The following ROBO3 variants were observed in gnomAD, a reference collection of about 807,000 sequenced individuals.
ROBO3 encodes roundabout guidance receptor 3.
In ROBO3, 97 loss-of-function variants were observed where a neutral mutation model predicts 160.5. The ratio of observed to expected loss-of-function variants is 0.60; its 90% CI spans 0.51 to 0.72. The LOEUF (loss-of-function observed/expected upper bound fraction) is 0.72. ROBO3 is among the 30% of genes least tolerant of loss of function. ROBO3 has a pLI of 0.00. For synonymous variants in ROBO3, 780 were observed against 746.2 expected (o/e 1.05, Z -0.74); for missense variants, 1,858 against 1,846.5 (o/e 1.01, Z -0.11).
rs1430540831 is a variant in ROBO3 at position 124,879,828 on chromosome 11, A to T, written c.3838A>T (p.Ser1280Cys). Residue 1280 changes from serine (S) to cysteine (C), a missense_variant, in exon 26 of 28, where the codon AGC becomes TGC. Ser to Cys is a moderately radical substitution (Grantham distance 112). Coordinates refer to ENST00000397801, the MANE Select transcript of ROBO3 (RefSeq NM_022370.4). ...PPLPPPEEEA[S>C]WALELRAAGS... Reference sequence around the variant, plus strand: ...CTTGCCACCGCCAGAGGAAGAGGCGAGCTGGGCCCTAGAGCTGAGGGCAGC... The same window carrying T: ...CTTGCCACCGCCAGAGGAAGAGGCGTGCTGGGCCCTAGAGCTGAGGGCAGC... The T allele has an allele frequency of 6.2e-7, 1 of 1,613,878 alleles. No individual in the cohort carries two copies. The highest frequency in any genetic ancestry group is 8.5e-7 in the Non-Finnish European group (1 of 1,179,846).
chr11:124,873,754 C>T lies in ROBO3; in HGVS notation c.1676C>T (p.Pro559Leu). Residue 559 changes from proline to leucine, a missense_variant, in exon 11 of 28, where the codon CCC (proline) becomes CTC (leucine). Physicochemically the swap from Pro to Leu is moderately conservative, Grantham distance 98. Transcript: ENST00000397801. The surrounding 1 kb of genome is among the most constrained non-coding windows in gnomAD (Gnocchi z 4.5). ...PTEPSSPPGA[P>L]SQPVVTEITK... ...GAACCCAGTTCCCCTCCGGGGGCTCCCTCTCAGCCAGTGGTCACTGAGATC... is the reference window on the plus strand; with the variant it reads ...GAACCCAGTTCCCCTCCGGGGGCTCTCTCTCAGCCAGTGGTCACTGAGATC... The T allele has an allele frequency of 2.5e-6, 4 of 1,613,876 alleles. No homozygotes were observed. The highest frequency in any genetic ancestry group is 3.4e-6 in the Non-Finnish European group (4 of 1,179,802).
chr11:124,872,662 T>G lies in ROBO3; in HGVS notation c.1330+110T>G. Reference sequence around the variant, plus strand: ...TACTATGTCTGCAAGAGGAGAGATGTGTTCCTGAGGCATGACCTTGAAGTT... The same window carrying G: ...TACTATGTCTGCAAGAGGAGAGATGGGTTCCTGAGGCATGACCTTGAAGTT... On this transcript the variant is annotated intron_variant, in intron 8 of 27. Coordinates refer to ENST00000397801, the MANE Select transcript of ROBO3 (RefSeq NM_022370.4). This position sits in a 1 kb window ranked among gnomAD's most constrained non-coding sequence, Gnocchi z 4.3. 8.4e-7 allele frequency: 1 copy of G among 1,190,202 alleles called. No homozygotes were observed. The highest frequency in any genetic ancestry group is 1.2e-6 in the Non-Finnish European group (1 of 858,610). The allele number at this position is 1,190,202 out of a possible 1,614,324, so 73.7% of individuals were successfully genotyped here.
At chr11:124,881,149 G>A (rs1485667614) in intron 27 of ROBO3, 90 bp from the exon 28 acceptor site, 1 of 1,311,072 alleles carries the variant, frequency 7.6e-7, no homozygotes, top group Non-Finnish European at 1.1e-6. Flanking sequence ...TAGGAGAACT[G>A]GGTTAGGAGA....
chr11:124,880,385 T>C (rs1263110279), intron 26 of ROBO3, 33 bp from the exon 27 acceptor site: 2 of 1,610,448 alleles, frequency 1.2e-6, no homozygotes, highest in Non-Finnish European at 1.7e-6. Flanking sequence ...GCTTCCTGCC[T>C]GCACCTGGCT....
In ROBO3 at chr11:124,879,297, A is replaced by C. The variant is rs762826151; in HGVS notation, c.3641A>C (p.His1214Pro). Reference sequence around the variant, plus strand: ...GGTGCTGGCCCTGCAGCCTCACCCCACCTCAGCCCCAGTCCTGCCCCTAGC... The same window carrying C: ...GGTGCTGGCCCTGCAGCCTCACCCCCCCTCAGCCCCAGTCCTGCCCCTAGC... ...GLGAGPAASP[H>P]LSPSPAPSTA... is the part of the protein sequence containing the mutation. The change falls in exon 24 of 28, where the codon CAC (histidine) becomes CCC (proline). Residue 1214 changes from histidine to proline, a missense_variant. Physicochemically the swap from His to Pro is moderately conservative, Grantham distance 77. Transcript: ENST00000397801. 6.2e-7 allele frequency: 1 copy of C among 1,604,290 alleles called. No homozygotes were observed. Among genetic ancestry groups the C allele is most frequent in the Non-Finnish European group, 8.5e-7 (1 of 1,176,194 alleles).
Position 124,868,962 on chromosome 11 carries a change from G to A in ROBO3, c.321G>A (p.Val107=). 6.2e-7 allele frequency: 1 copy of A among 1,605,140 alleles called. No homozygotes were observed. ...AGAACGGGGCGCGTGTGGCCACTGT[G>A]CGGGAGGATCCGCGTGCGCACCGCC... ...WYKNGARVAT[V]REDPRAHRLL... is the part of the protein sequence containing the mutation. Residue 107 remains valine, a synonymous_variant, in exon 2 of 28, where the codon GTG becomes GTA. Coordinates refer to ENST00000397801, the MANE Select transcript of ROBO3 (RefSeq NM_022370.4).
rs745343405 is a variant in ROBO3, at chr11:124,875,107, A to C, written c.2074-4A>C. 5.6e-6 allele frequency: 9 copies of C among 1,596,922 alleles called. No individual in the cohort carries two copies. In the South Asian group the frequency reaches 9.0e-5, roughly 16 times the overall value. ...TCTGGTGTGCCTTGTCCTGTCTCCC[A>C]CAGGTGGATGGCCCAGTCCAGCTGG... On this transcript the variant is annotated splice_polypyrimidine_tract_variant and splice_region_variant and intron_variant, in intron 13 of 27. Transcript: ENST00000397801.
At position 124,877,629 on chromosome 11, in the gene ROBO3, A is replaced by C. The variant is rs781383281; in HGVS notation, c.2957A>C (p.Asn986Thr). The part of the protein sequence containing the change: ...QEPRGSCCPS[N>T]PDPDDRYYNE... ...CCCAGGGGAAGCTGCTGCCCTAGCA[A>C]TCCTGACCCGGACGACAGATATTAC... is the stretch of plus-strand genomic sequence containing the variant. The change falls in exon 20 of 28, where the codon AAT becomes ACT. Residue 986 changes from asparagine (N) to threonine (T), a missense_variant. Transcript: ENST00000397801. 12 of 1,610,818 alleles carry C rather than the reference A, an allele frequency of 7.4e-6. No individual in the cohort carries two copies. The highest frequency in any genetic ancestry group is 1.6e-4 in the Middle Eastern group (1 of 6,080).
chr11:124,876,952 G>C lies in ROBO3; in HGVS notation c.2780-209G>C, dbSNP rs1946393193. 6.2e-6 allele frequency: 4 copies of C among 648,966 alleles called. No homozygotes were observed. Among genetic ancestry groups the C allele is most frequent in the South Asian group, 5.2e-5 (3 of 57,264 alleles). 40.2% of individuals were successfully genotyped at this position (648,966 alleles called of 1,614,324 possible). ...TTTGAGGTCAGTGGTTTTCAATCTT[G>C]GTTGGCTACACATAGGAATCACTTG... On this transcript the variant is annotated intron_variant, in intron 17 of 27. Transcript: ENST00000397801. This position sits in a 1 kb window ranked among gnomAD's most constrained non-coding sequence, Gnocchi z 5.3.
rs1343196343 is a variant in ROBO3, at chr11:124,876,310, G to A, written c.2629G>A (p.Gly877Ser). 1 of 1,450,312 alleles carries A rather than the reference G, an allele frequency of 6.9e-7. No homozygotes were observed. Among genetic ancestry groups the A allele is most frequent in the Non-Finnish European group, 9.0e-7 (1 of 1,114,256 alleles). The allele number at this position is 1,450,312 out of a possible 1,614,324, so 89.8% of individuals were successfully genotyped here. Residue 877 changes from glycine to serine, a missense_variant, in exon 17 of 28, where the codon GGC (glycine) becomes AGC (serine). Physicochemically the swap from Gly to Ser is moderately conservative, Grantham distance 56. Transcript: ENST00000397801. This position sits in a 1 kb window ranked among gnomAD's most constrained non-coding sequence, Gnocchi z 5.3. ...GGACCTGGAGCCCGGGCTGGAGGTG[G>A]GCGCGGGGCTGGCGGTGCGGCTGGC... ...PPDLEPGLEV[G>S]AGLAVRLARV... is the part of the protein sequence containing the mutation.
intron 1 of ROBO3, among the ~76,000 whole-genome samples, chr11:124,867,749 A>C (rs1483560635): frequency 1.8e-5 from 2 of 113,850 alleles, no homozygotes; most frequent in Non-Finnish European, 3.4e-5. Flanking sequence ...TGGAAGCGGG[A>C]GGTTCCTGCA....
Position 124,876,424 on chromosome 11 carries a change from C to G in ROBO3, c.2743C>G (p.Arg915Gly). ...LLGLCAALYW[R>G]RKQRKELSHY... ...CGGGCTCTGCGCCGCCCTCTACTGG[C>G]GCCGGAAACAGCGCAAAGAGCTCAG... Residue 915 changes from arginine to glycine, a missense_variant, in exon 17 of 28, where the codon CGC becomes GGC. Transcript: ENST00000397801. The surrounding 1 kb of genome is among the most constrained non-coding windows in gnomAD (Gnocchi z 5.3). 6.9e-7 allele frequency: 1 copy of G among 1,446,552 alleles called. No homozygotes were observed. 89.6% of individuals were successfully genotyped at this position (1,446,552 alleles called of 1,614,324 possible). A position where few individuals can be genotyped will look rare whatever the true frequency, so the allele number is the denominator to read the frequency against.
chr11:124,869,879 A>G lies in ROBO3; in HGVS notation c.646-69A>G. The G allele has an allele frequency of 6.6e-7, 1 of 1,524,594 alleles. No individual in the cohort carries two copies. The highest frequency in any genetic ancestry group is 8.9e-7 in the Non-Finnish European group (1 of 1,122,502). The allele number at this position is 1,524,594 out of a possible 1,614,324, so 94.4% of individuals were successfully genotyped here. On this transcript the variant is annotated intron_variant, in intron 3 of 27. Coordinates refer to ENST00000397801, the MANE Select transcript of ROBO3 (RefSeq NM_022370.4). This position sits in a 1 kb window ranked among gnomAD's most constrained non-coding sequence, Gnocchi z 4.2. ...AAACTTTATACATATGTATATACAC[A>G]TATATTCACCATATATATATACGCT... is the stretch of plus-strand genomic sequence containing the variant.
chr11:124,876,410 C>A lies in ROBO3; in HGVS notation c.2729C>A (p.Ala910Asp). The change falls in exon 17 of 28, where the codon GCC (alanine) becomes GAC (aspartate). Residue 910 changes from alanine to aspartate, a missense_variant. By Grantham distance (126) the Ala-to-Asp change is moderately radical. Transcript: ENST00000397801. The surrounding 1 kb of genome is among the most constrained non-coding windows in gnomAD (Gnocchi z 5.3). ...ACGALLLGLC[A>D]ALYWRRKQRK... The stretch of plus-strand genomic sequence containing the variant: ...GGGGCGCTGCTTCTCGGGCTCTGCG[C>A]CGCCCTCTACTGGCGCCGGAAACAG... The A allele has an allele frequency of 6.9e-7, 1 of 1,451,114 alleles. No individual in the cohort carries two copies. The highest frequency in any genetic ancestry group is 2.7e-5 in the Admixed American group (1 of 37,422). The allele number at this position is 1,451,114 out of a possible 1,614,324, so 89.9% of individuals were successfully genotyped here.
Position 124,865,507 on chromosome 11 carries a change from C to A in ROBO3, c.-71C>A. ...AGAGGCTGTGGAGGGGCTTACGGCT[C>A]CCAGCCCACGGGTCTCAGACCCAGG... On this transcript the variant is annotated 5_prime_UTR_variant, in exon 1 of 28. Coordinates refer to ENST00000397801, the MANE Select transcript of ROBO3 (RefSeq NM_022370.4). This position sits in a 1 kb window ranked among gnomAD's most constrained non-coding sequence, Gnocchi z 5.5. The A allele has an allele frequency of 6.6e-7, 1 of 1,521,506 alleles. No homozygotes were observed. The highest frequency in any genetic ancestry group is 1.2e-5 in the South Asian group (1 of 85,028). 94.3% of individuals were successfully genotyped at this position (1,521,506 alleles called of 1,614,324 possible).
Position 124,880,551 on chromosome 11 carries a change from C to T in ROBO3, c.4092C>T (p.Ser1364=). ...GGGGCTCCCGGGGCCCTGGCCGGAG[C>T]CGGAGTCGGAGTCAGAGCCGGAGCC... ...SSRGSRGPGR[S]RSRSQSRSQS... is the part of the protein sequence containing the mutation. Residue 1364 remains serine (S), a synonymous_variant, in exon 27 of 28, where the codon AGC becomes AGT. Transcript: ENST00000397801. The T allele has an allele frequency of 6.4e-7, 1 of 1,556,110 alleles. No individual in the cohort carries two copies. Among genetic ancestry groups the T allele is most frequent in the Non-Finnish European group, 8.7e-7 (1 of 1,149,962 alleles).
rs1946490765 is a variant in ROBO3, at chr11:124,879,198, C to T, written c.3542C>T (p.Pro1181Leu). Residue 1181 changes from proline to leucine, a missense_variant, in exon 24 of 28, where the codon CCC (proline) becomes CTC (leucine). Coordinates refer to ENST00000397801, the MANE Select transcript of ROBO3 (RefSeq NM_022370.4). ...PHLHQMPRRV[P>L]LGPSSPLSVS... ...GCCTCCTGTCATTGCAGGAGGGTGC[C>T]CCTTGGGCCGAGTTCCCCTCTCAGT... is the stretch of plus-strand genomic sequence containing the variant. The T allele has an allele frequency of 6.4e-7, 1 of 1,551,340 alleles. No individual in the cohort carries two copies. Among genetic ancestry groups the T allele is most frequent in the Non-Finnish European group, 8.7e-7 (1 of 1,146,938 alleles).
intron 1 of ROBO3, chr11:124,868,418 G>A (rs1727351560): frequency 1.8e-6 from 1 of 546,296 alleles, no homozygotes; most frequent in African/African-American, 1.9e-5. Context: ...CCGTGAACCA[G>A]TGCAGGTGGA....
Position 124,874,890 on chromosome 11 carries a change from C to T in ROBO3, c.2054C>T (p.Thr685Ile), listed in dbSNP as rs775036629. The change falls in exon 13 of 28, where the codon ACC becomes ATC. Residue 685 changes from threonine to isoleucine, a missense_variant. Transcript: ENST00000397801. Reference sequence around the variant, plus strand: ...GAGCCCATAGTCCTGGGACCCCGGACCCTGCAGGTGTCCTGGACTGTGAGT... The same window carrying T: ...GAGCCCATAGTCCTGGGACCCCGGATCCTGCAGGTGTCCTGGACTGTGAGT... Reference protein sequence around the residue: ...LQEPIVLGPRTLQVSWTVDGP... With the variant: ...LQEPIVLGPRILQVSWTVDGP... 6.2e-7 allele frequency: 1 copy of T among 1,603,692 alleles called. No individual in the cohort carries two copies. The highest frequency in any genetic ancestry group is 8.5e-7 in the Non-Finnish European group (1 of 1,175,330).
Sources: allele counts gnomAD v4.1 joint callset (sites outside exome capture counted in the v4.1 genomes callset), GRCh38; gene constraint gnomAD v4.1.1; non-coding constraint Gnocchi (gnomAD v3.1); transcripts MANE v1.5; gene names NCBI Gene and HGNC (gene_info 2026-07-23, HGNC 2026-07-21).